The following AUTS2 variants were observed in gnomAD, a reference collection of about 807,000 sequenced individuals.
AUTS2 encodes activator of transcription and developmental regulator AUTS2.
In AUTS2, 17 loss-of-function variants were observed where a neutral mutation model predicts 112.4. The observed-to-expected ratio is 0.15, with a 90% CI of 0.10 to 0.23. The LOEUF is 0.23. AUTS2 is among the 10% of genes least tolerant of loss of function. The pLI is 1.00. For synonymous variants in AUTS2, 751 were observed against 702.7 expected (o/e 1.07, Z -1.09); for missense variants, 1,510 against 1,701.6 (o/e 0.89, Z 1.98).
chr7:70,191,161 CTTTTTTTTTTTTT>C (rs34637651), intron 4 of AUTS2, among the ~76,000 whole-genome samples: 1 of 86,426 alleles, frequency 1.2e-5, no homozygotes, highest in Non-Finnish European at 2.1e-5. Flanking sequence ...CCACTTATTT[CTTTTTTTTTTTTT>C]TTTTTTTTTT....
intron 8 of AUTS2, 151 bp downstream of exon 8, chr7:70,765,156 AG>A: frequency 9.1e-7 from 1 of 1,095,088 alleles, no homozygotes; most frequent in Admixed American, 2.5e-5. Flanking sequence ...CTCTGGCCTG[AG>A]GTCCAGCAAA....
At chr7:70,757,579 A>T (rs1409821613) in intron 6 of AUTS2, among the ~76,000 whole-genome samples, 2 of 151,984 alleles carry the variant, frequency 1.3e-5, no homozygotes, top group East Asian at 3.8e-4. Flanking sequence ...TTTTATTTTG[A>T]TGATCCTGTT....
At chr7:70,275,387 C>A (rs1308307510) in intron 4 of AUTS2, among the ~76,000 whole-genome samples, 1 of 152,128 alleles carries the variant, frequency 6.6e-6, no homozygotes, top group Non-Finnish European at 1.5e-5. Context: ...TCACCAGGAA[C>A]TGGGAAGAAC....
In AUTS2 at chr7:69,875,746, A is replaced by C. The variant is rs375631285; in HGVS notation, c.310-23540A>C. 1.1e-3 allele frequency among the ~76,000 whole-genome samples: 168 copies of C among 152,352 alleles called. 1 individual carries two copies. The East Asian group carries it at 0.012, about 11-fold the overall frequency. On this transcript the variant is annotated intron_variant, in intron 1 of 18. Transcript: ENST00000342771. The stretch of plus-strand genomic sequence containing the variant: ...CATCATTACTTTCCATCACAGGTTC[A>C]GACTTTGGGACCCCAGGGCTCTGGA...
intron 4 of AUTS2, among the ~76,000 whole-genome samples, chr7:70,417,751 T>G (rs1795046013): frequency 6.6e-6 from 1 of 152,194 alleles, no homozygotes. Flanking sequence ...TTCTATTCCA[T>G]TCATCCCATA....
chr7:70,178,233 C>G (rs992630547), intron 4 of AUTS2, among the ~76,000 whole-genome samples: 5 of 152,130 alleles, frequency 3.3e-5, no homozygotes, highest in African/African-American at 1.2e-4. Context: ...CCATTAGCCA[C>G]TTGTACAGTG....
At chr7:70,695,279 C>A (rs1325399694) in intron 5 of AUTS2, among the ~76,000 whole-genome samples, 10 of 152,286 alleles carry the variant, frequency 6.6e-5, no homozygotes, top group Admixed American at 5.9e-4. Context: ...GCCGGCCGGG[C>A]TCGGCCGGAG....
intron 5 of AUTS2, among the ~76,000 whole-genome samples, chr7:70,545,334 G>A (rs999236157): frequency 2.6e-5 from 4 of 152,220 alleles, no homozygotes; most frequent in Non-Finnish European, 5.9e-5. Context: ...TAAGGACAGA[G>A]GACCCTTTAG....
intron 2 of AUTS2, among the ~76,000 whole-genome samples, chr7:70,102,353 C>T (rs773610440): frequency 6.6e-6 from 1 of 151,906 alleles, no homozygotes; most frequent in Non-Finnish European, 1.5e-5. Flanking sequence ...CTCCTGACCT[C>T]GTGATCTGCT....
At chr7:70,240,928 G>A (rs562098321) in intron 4 of AUTS2, among the ~76,000 whole-genome samples, 2 of 152,252 alleles carry the variant, frequency 1.3e-5, no homozygotes, top group East Asian at 1.9e-4. Flanking sequence ...TCCACTTCGG[G>A]TTTTGAATAA....
chr7:69,821,697 C>T (rs1217871606), intron 1 of AUTS2, among the ~76,000 whole-genome samples: 1 of 151,842 alleles, frequency 6.6e-6, no homozygotes, highest in African/African-American at 2.4e-5. Flanking sequence ...TCCAGACGTG[C>T]CACCTTTAAG....
intron 5 of AUTS2, among the ~76,000 whole-genome samples, chr7:70,521,041 A>G (rs1244642532): frequency 6.6e-6 from 1 of 152,218 alleles, no homozygotes; most frequent in Non-Finnish European, 1.5e-5. Context: ...CCTCAGGGAC[A>G]GAATCCATGT....
chr7:69,702,907 A>T (rs1376549125), intron 1 of AUTS2, among the ~76,000 whole-genome samples: 1 of 152,168 alleles, frequency 6.6e-6, no homozygotes, highest in Non-Finnish European at 1.5e-5. Flanking sequence ...AATTTCACTT[A>T]TGTAGGCACA....
At chr7:69,691,137 G>A (rs1286638862) in intron 1 of AUTS2, among the ~76,000 whole-genome samples, 4 of 152,274 alleles carry the variant, frequency 2.6e-5, no homozygotes, top group East Asian at 1.9e-4. Context: ...TTATGGGCTC[G>A]GAAGGGAGGA....
intron 1 of AUTS2, among the ~76,000 whole-genome samples, chr7:69,744,098 C>T (rs146372935): frequency 1.4e-3 from 209 of 152,126 alleles, no homozygotes; most frequent in African/African-American, 4.9e-3. Context: ...GCCTGGCCAG[C>T]GTAATTATTC....
chr7:70,025,450 CTTTTTTT>C (rs970909285), intron 2 of AUTS2, among the ~76,000 whole-genome samples: 4 of 134,496 alleles, frequency 3.0e-5, no homozygotes, highest in Admixed American at 7.6e-5. Context: ...TTTTTGTTTC[CTTTTTTT>C]TTTTTTTTTT....
chr7:70,310,228 T>C (rs1029924341), intron 4 of AUTS2, among the ~76,000 whole-genome samples: 3 of 152,162 alleles, frequency 2.0e-5, no homozygotes, highest in Middle Eastern at 3.4e-3. Context: ...ATTGGAGGCT[T>C]CTTTTAGGGG....
At chr7:69,769,237 C>A (rs544416069) in intron 1 of AUTS2, among the ~76,000 whole-genome samples, 38 of 152,146 alleles carry the variant, frequency 2.5e-4, no homozygotes, top group Admixed American at 1.0e-3. Flanking sequence ...GAACAAAGAA[C>A]GTAAATCATA....
intron 4 of AUTS2, among the ~76,000 whole-genome samples, chr7:70,339,725 C>T (rs1791169278): frequency 6.6e-6 from 1 of 152,132 alleles, no homozygotes; most frequent in Non-Finnish European, 1.5e-5. Context: ...TGATTTAAGT[C>T]TCAGATTGTT....
Sources: allele counts gnomAD v4.1 joint callset (sites outside exome capture counted in the v4.1 genomes callset), GRCh38; gene constraint gnomAD v4.1.1; transcripts MANE v1.5; gene names NCBI Gene and HGNC (gene_info 2026-07-23, HGNC 2026-07-21).